DPP10: variants seen among roughly 807,000 people sequenced by gnomAD.
DPP10 encodes inactive dipeptidyl peptidase 10.
In DPP10, 33 loss-of-function variants were observed where a neutral mutation model predicts 120.9. The observed-to-expected ratio is 0.27, with a 90% CI of 0.21 to 0.37. The LOEUF is 0.37. Among genes scored for constraint, DPP10 ranks in the 10% least tolerant of loss-of-function variants. The pLI, the probability that DPP10 is intolerant of heterozygous loss-of-function variation, is 1.00. For missense variants in DPP10, 816 were observed against 942.8 expected (o/e 0.87, Z 1.76); for synonymous variants, 337 against 326.1 (o/e 1.03, Z -0.36).
At chr2:114,929,854 T>G (rs1695938447) in intron 1 of DPP10, among the ~76,000 whole-genome samples, 3 of 152,198 alleles carry the variant, frequency 2.0e-5, no homozygotes, top group Non-Finnish European at 4.4e-5. Flanking sequence ...CTTCACAATT[T>G]ATGTTCAGAG....
At chr2:114,699,299 G>A (rs1454112799) in intron 1 of DPP10, among the ~76,000 whole-genome samples, 1 of 152,106 alleles carries the variant, frequency 6.6e-6, no homozygotes, top group African/African-American at 2.4e-5. Context: ...ATGCGTGTGT[G>A]TGTGTGTGTG....
intron 7 of DPP10, among the ~76,000 whole-genome samples, chr2:115,699,706 A>T (rs2091799591): frequency 6.6e-6 from 1 of 152,236 alleles, no homozygotes; most frequent in Non-Finnish European, 1.5e-5. Context: ...CATTATCCTG[A>T]TACAAAAATC....
At chr2:115,318,309 C>G (rs1240900611) in intron 2 of DPP10, among the ~76,000 whole-genome samples, 1 of 152,026 alleles carries the variant, frequency 6.6e-6, no homozygotes, top group East Asian at 1.9e-4. Flanking sequence ...CATGCTGGTA[C>G]TGCATTGTTT....
At position 115,309,328 on chromosome 2, in the gene DPP10, T is replaced by C; in HGVS notation, c.150T>C (p.Thr50=). Residue 50 remains threonine (T), a synonymous_variant, in exon 2 of 26, where the codon ACT becomes ACC. Transcript: ENST00000410059. ...LVILVVCSLI[T]MSVILLTPDE... is the part of the protein sequence containing the mutation. ...TTTTAGTTGTATGCTCACTCATCAC[T>C]ATGTCAGTCATCCTCTTAACCCCAG... The C allele has an allele frequency of 1.2e-6, 2 of 1,613,518 alleles. No individual in the cohort carries two copies. The highest frequency in any genetic ancestry group is 1.7e-6 in the Non-Finnish European group (2 of 1,179,580).
At chr2:114,600,707 A>G (rs1692288204) in intron 1 of DPP10, among the ~76,000 whole-genome samples, 1 of 151,894 alleles carries the variant, frequency 6.6e-6, no homozygotes, top group African/African-American at 2.4e-5. Context: ...TAATATTTCT[A>G]GCCTAAGTTG....
intron 1 of DPP10, among the ~76,000 whole-genome samples, chr2:114,702,643 C>A (rs1306707549): frequency 3.3e-5 from 5 of 152,130 alleles, no homozygotes; most frequent in African/African-American, 9.7e-5. Context: ...TTCCTCACTG[C>A]ACCTATGGCT....
intron 5 of DPP10, among the ~76,000 whole-genome samples, chr2:115,611,144 A>G (rs1401531233): frequency 6.6e-6 from 1 of 152,216 alleles, no homozygotes; most frequent in African/African-American, 2.4e-5. Context: ...GAAATGAAAG[A>G]GAAAAAAAGA....
At chr2:115,518,099 G>A (rs1161566981) in intron 4 of DPP10, among the ~76,000 whole-genome samples, 1 of 152,130 alleles carries the variant, frequency 6.6e-6, no homozygotes, top group Non-Finnish European at 1.5e-5. Context: ...AGAACTAATA[G>A]AGTAAGAACT....
chr2:115,301,200 T>C (rs909078717), intron 1 of DPP10, among the ~76,000 whole-genome samples: 1 of 152,036 alleles, frequency 6.6e-6, no homozygotes, highest in African/African-American at 2.4e-5. Context: ...GCTGTTCCTC[T>C]GTACTACTCT....
In DPP10 at chr2:115,101,519, G is replaced by A. The variant is rs1388057574; in HGVS notation, c.61-207720G>A. Reference sequence around the variant, plus strand: ...TAATATGTTATCTTTTGGATCATACGGCCCAAGTAGGGAAGCCACTTTCTC... The same window carrying A: ...TAATATGTTATCTTTTGGATCATACAGCCCAAGTAGGGAAGCCACTTTCTC... On this transcript the variant is annotated intron_variant, in intron 1 of 25. Coordinates refer to ENST00000410059, the MANE Select transcript of DPP10 (RefSeq NM_020868.6). Among the ~76,000 whole-genome samples the A allele has an allele frequency of 2.6e-5, 4 of 151,944 alleles. No homozygotes were observed. The South Asian group carries it at 6.2e-4, about 24-fold the overall frequency.
At chr2:115,840,618 C>A in intron 24 of DPP10, 132 bp from the exon 25 acceptor site, 1 of 911,406 alleles carries the variant, frequency 1.1e-6, no homozygotes, top group Non-Finnish European at 1.6e-6. Flanking sequence ...GCCACCGTGC[C>A]CAGCCAGATA....
intron 1 of DPP10, among the ~76,000 whole-genome samples, chr2:115,074,688 C>T (rs1001156056): frequency 2.6e-5 from 4 of 151,914 alleles, no homozygotes; most frequent in African/African-American, 7.3e-5. Context: ...GAGGGTTGTC[C>T]GGGGAAAGAG....
At chr2:114,566,908 T>G (rs1026913893) in intron 1 of DPP10, among the ~76,000 whole-genome samples, 3 of 152,202 alleles carry the variant, frequency 2.0e-5, no homozygotes, top group Non-Finnish European at 4.4e-5. Context: ...TGCCCTGGCA[T>G]TATCATGGCA....
chr2:115,063,835 C>T (rs925494021), intron 1 of DPP10, among the ~76,000 whole-genome samples: 1 of 152,088 alleles, frequency 6.6e-6, no homozygotes, highest in Non-Finnish European at 1.5e-5. Flanking sequence ...TAGGCAATAC[C>T]ATTCAGGACA....
intron 5 of DPP10, among the ~76,000 whole-genome samples, chr2:115,556,709 G>A (rs1352425151): frequency 6.6e-6 from 1 of 152,102 alleles, no homozygotes; most frequent in Non-Finnish European, 1.5e-5. Context: ...ACATTCTGGT[G>A]AAATTAGTGT....
chr2:114,593,591 T>C, intron 1 of DPP10, among the ~76,000 whole-genome samples: 1 of 152,206 alleles, frequency 6.6e-6, no homozygotes, highest in East Asian at 1.9e-4. Context: ...AAATATTTTT[T>C]AAATTTTATT....
intron 3 of DPP10, among the ~76,000 whole-genome samples, chr2:115,494,957 C>T (rs747882323): frequency 2.0e-5 from 3 of 151,950 alleles, no homozygotes; most frequent in East Asian, 1.9e-4. Context: ...TTAAATTAGC[C>T]GTTAGCAAGA....
At chr2:115,557,315 T>C (rs148737913) in intron 5 of DPP10, among the ~76,000 whole-genome samples, 3 of 152,092 alleles carry the variant, frequency 2.0e-5, no homozygotes, top group Non-Finnish European at 2.9e-5. Context: ...AAAAACATGA[T>C]GAGAAAATTG....
At chr2:114,577,321 TTTTG>T (rs370218153) in intron 1 of DPP10, among the ~76,000 whole-genome samples, 208 of 152,182 alleles carry the variant, frequency 1.4e-3, no homozygotes, top group Middle Eastern at 0.01. Flanking sequence ...CCAACCTCGC[TTTTG>T]TTTGTTTGTT....
Sources: gnomAD v4.1 joint callset for allele counts (sites outside exome capture counted in the v4.1 genomes callset) on GRCh38, gnomAD v4.1.1 for gene constraint, MANE v1.5 for transcripts, NCBI Gene and HGNC (gene_info 2026-07-23, HGNC 2026-07-21) for gene names.